Variants in NKAIN2 observed in about 807,000 individuals in gnomAD.
NKAIN2 encodes the protein sodium/potassium transporting ATPase interacting 2, also known as sodium/potassium-transporting ATPase subunit beta-1-interacting protein 2.
In NKAIN2, 14 loss-of-function variants were observed where a neutral mutation model predicts 32.6. The observed-to-expected ratio is 0.43, with a 90% confidence interval of 0.28 to 0.67. The LOEUF (loss-of-function observed/expected upper bound fraction) is 0.67, where lower values mean the gene tolerates loss of function less well. Ranked by LOEUF, NKAIN2 falls within the 30% of genes least tolerant of loss-of-function variation. The probability of loss-of-function intolerance (pLI) is 0.17; values close to 1 mark genes in which losing one functional copy is unlikely to be tolerated. For synonymous variants in NKAIN2, 80 were observed against 87.2 expected, an observed-to-expected ratio of 0.92 and a Z score of 0.46; for missense variants, 198 against 258.3, an observed-to-expected ratio of 0.77 and a Z score of 1.60.
intron 1 of NKAIN2, among the ~76,000 whole-genome samples, chr6:124,102,305 C>T (rs934501347): frequency 6.6e-6 from 1 of 152,176 alleles, no homozygotes; most frequent in Non-Finnish European, 1.5e-5. Flanking sequence ...TAGGTGCTCA[C>T]TATTGGGTTT....
chr6:123,973,243 A>G (rs184254367), intron 1 of NKAIN2, among the ~76,000 whole-genome samples: 16 of 152,200 alleles, frequency 1.1e-4, no homozygotes, highest in Admixed American at 5.9e-4. Flanking sequence ...TTGCAGATTA[A>G]ACTATACATG....
chr6:124,552,793 C>G (rs1011862948), intron 3 of NKAIN2, among the ~76,000 whole-genome samples: 1 of 152,292 alleles, frequency 6.6e-6, no homozygotes, highest in Admixed American at 6.5e-5. Flanking sequence ...AGAGCAGAGC[C>G]TGAGTATCTC....
intron 4 of NKAIN2, among the ~76,000 whole-genome samples, chr6:124,664,243 C>A (rs1772652157): frequency 6.6e-6 from 1 of 151,384 alleles, no homozygotes; most frequent in South Asian, 2.1e-4. Context: ...CCATTTCACT[C>A]CAGCCTGGGC....
chr6:124,039,910 T>C (rs1416758485), intron 1 of NKAIN2, among the ~76,000 whole-genome samples: 1 of 151,998 alleles, frequency 6.6e-6, no homozygotes, highest in Non-Finnish European at 1.5e-5. Flanking sequence ...AGAATGCTTC[T>C]TATTCACAAA....
intron 4 of NKAIN2, among the ~76,000 whole-genome samples, chr6:124,790,330 C>T (rs1440698680): frequency 6.6e-6 from 1 of 152,028 alleles, no homozygotes; most frequent in African/African-American, 2.4e-5. Context: ...TTAGGCTTGT[C>T]GTGGCGGTTC....
chr6:124,359,445 C>T (rs1357300587), intron 3 of NKAIN2, among the ~76,000 whole-genome samples: 2 of 152,094 alleles, frequency 1.3e-5, no homozygotes, highest in Non-Finnish European at 2.9e-5. Flanking sequence ...TCTTTTATTT[C>T]ATTGAGCAGT....
intron 4 of NKAIN2, among the ~76,000 whole-genome samples, chr6:124,774,175 G>A (rs1778884421): frequency 6.6e-6 from 1 of 152,146 alleles, no homozygotes; most frequent in African/African-American, 2.4e-5. Flanking sequence ...GTTGCAAGTG[G>A]GGAGACGAGT....
intron 1 of NKAIN2, among the ~76,000 whole-genome samples, chr6:123,956,410 G>A (rs74316567): frequency 0.051 from 7,728 of 152,188 alleles, 613 homozygotes; most frequent in African/African-American, 0.17. Flanking sequence ...GAGTCCTTAT[G>A]AGAGAAGGAA....
chr6:124,414,284 A>G (rs1359271911), intron 3 of NKAIN2, among the ~76,000 whole-genome samples: 1 of 152,154 alleles, frequency 6.6e-6, no homozygotes, highest in Non-Finnish European at 1.5e-5. Flanking sequence ...TCACTTATTA[A>G]GATGATCACA....
chr6:123,922,821 T>G (rs1775817196), intron 1 of NKAIN2, among the ~76,000 whole-genome samples: 1 of 152,336 alleles, frequency 6.6e-6, no homozygotes, highest in South Asian at 2.1e-4. Context: ...TGGCCTCTTC[T>G]TACTTTATTG....
intron 3 of NKAIN2, among the ~76,000 whole-genome samples, chr6:124,429,976 T>A (rs536974709): frequency 6.6e-6 from 1 of 151,060 alleles, no homozygotes; most frequent in Non-Finnish European, 1.5e-5. Context: ...TTTAGGTAGA[T>A]GAAATGAGGC....
intron 1 of NKAIN2, among the ~76,000 whole-genome samples, chr6:123,958,204 G>C (rs755688239): frequency 1.3e-4 from 19 of 151,878 alleles, no homozygotes; most frequent in Admixed American, 1.3e-4. Context: ...TCTCCTGTAC[G>C]TGTGACTTTG....
chr6:123,804,087 C>A lies in NKAIN2; in HGVS notation c.-114C>A, dbSNP rs1269402410. On this transcript the variant is annotated 5_prime_UTR_variant, in exon 1 of 7. Transcript: ENST00000368417. ...CGCTGGCAGCAGCAGCAGCCCGGAGCCCCCGAGCCCTCGGCAGGTTTGCGT... is the reference window on the plus strand; with the variant it reads ...CGCTGGCAGCAGCAGCAGCCCGGAGACCCCGAGCCCTCGGCAGGTTTGCGT... 1.1e-6 allele frequency: 1 copy of A among 929,872 alleles called. No homozygotes were observed. The highest frequency in any genetic ancestry group is 1.8e-6 in the Non-Finnish European group (1 of 559,706). 57.6% of individuals were successfully genotyped at this position (929,872 alleles called of 1,614,324 possible).
chr6:124,740,405 A>T (rs1392056615), intron 4 of NKAIN2, among the ~76,000 whole-genome samples: 2 of 150,982 alleles, frequency 1.3e-5, no homozygotes, highest in Non-Finnish European at 3.0e-5. Context: ...TATTTCAGCG[A>T]AGGAGACAGA....
At chr6:124,085,292 A>C (rs1334827233) in intron 1 of NKAIN2, among the ~76,000 whole-genome samples, 1 of 152,066 alleles carries the variant, frequency 6.6e-6, no homozygotes, top group African/African-American at 2.4e-5. Flanking sequence ...GTTGAGAACT[A>C]TAATTTTGGC....
chr6:123,956,903 C>T (rs1308969995), intron 1 of NKAIN2, among the ~76,000 whole-genome samples: 1 of 152,158 alleles, frequency 6.6e-6, no homozygotes, highest in Non-Finnish European at 1.5e-5. Flanking sequence ...TGCCAAGTTT[C>T]TGTACAAAAT....
chr6:124,385,864 A>C (rs1410602002), intron 3 of NKAIN2, among the ~76,000 whole-genome samples: 1 of 152,096 alleles, frequency 6.6e-6, no homozygotes, highest in Non-Finnish European at 1.5e-5. Flanking sequence ...TAGTTACTTC[A>C]AAAAAGTTCA....
chr6:123,856,091 C>A (rs1023713655), intron 1 of NKAIN2, among the ~76,000 whole-genome samples: 1 of 152,156 alleles, frequency 6.6e-6, no homozygotes, highest in Admixed American at 6.5e-5. Context: ...TGATTTCTTA[C>A]TTTTTCACTT....
chr6:124,535,222 G>A (rs1779672070), intron 3 of NKAIN2, among the ~76,000 whole-genome samples: 1 of 152,172 alleles, frequency 6.6e-6, no homozygotes, highest in Admixed American at 6.5e-5. Context: ...TAGATTTTAA[G>A]CTGCCTTAAG....
Sources: gnomAD v4.1 joint callset for allele counts (sites outside exome capture counted in the v4.1 genomes callset) on GRCh38, gnomAD v4.1.1 for gene constraint, MANE v1.5 for transcripts, NCBI Gene and HGNC (gene_info 2026-07-23, HGNC 2026-07-21) for gene names.